The following PATJ variants were observed in gnomAD, a reference collection of about 807,000 sequenced individuals.
PATJ encodes inaD-like protein.
In PATJ, 190 loss-of-function variants were observed where a neutral mutation model predicts 224.9. That is an observed-to-expected ratio of 0.84 (90% CI 0.75 to 0.95). The LOEUF is 0.95. Among genes scored for constraint, PATJ ranks in the 40% least tolerant of loss-of-function variants. The probability of loss-of-function intolerance (pLI) is 0.00; values close to 1 mark genes in which losing one functional copy is unlikely to be tolerated. For synonymous variants in PATJ, 769 were observed against 820.3 expected (o/e 0.94, Z 1.07); for missense variants, 2,121 against 2,270.3 (o/e 0.93, Z 1.34).
intron 41 of PATJ, among the ~76,000 whole-genome samples, chr1:62,129,977 T>A (rs970429501): frequency 3.3e-5 from 5 of 152,040 alleles, no homozygotes; most frequent in Non-Finnish European, 7.4e-5. Context: ...GTATAAAGAA[T>A]AAAGCCCACC....
chr1:62,096,459 T>G (rs1661409205), intron 33 of PATJ, among the ~76,000 whole-genome samples: 1 of 152,192 alleles, frequency 6.6e-6, no homozygotes, highest in Non-Finnish European at 1.5e-5. Flanking sequence ...ATTCACATGG[T>G]CCTTTGAGCT....
At chr1:61,817,933 G>A (rs1158233611) in intron 14 of PATJ, among the ~76,000 whole-genome samples, 2 of 151,960 alleles carry the variant, frequency 1.3e-5, no homozygotes, top group Admixed American at 6.6e-5. Context: ...CCAATCATGG[G>A]TTCTTTCTGT....
At chr1:61,777,724 T>TTTTTTGTTTTTTTTTTTTTTTTTC (rs765662896) in intron 7 of PATJ, among the ~76,000 whole-genome samples, 1 of 106,016 alleles carries the variant, frequency 9.4e-6, no homozygotes, top group East Asian at 3.5e-4. Flanking sequence ...TTTTTTTTTT[T>TTTTTTGTTTTTTTTTTTTTTTTTC]TTTAGCATAG....
chr1:62,014,562 CTTTTTTTTTTTTTT>C (rs35711547), intron 28 of PATJ, among the ~76,000 whole-genome samples: 1 of 84,518 alleles, frequency 1.2e-5, no homozygotes, highest in South Asian at 4.5e-4. Flanking sequence ...CTTTTCTTTC[CTTTTTTTTTTTTTT>C]TTTTTTTTGA....
Position 61,856,056 on chromosome 1 carries a change from G to T in PATJ, c.2139G>T (p.Val713=). Reference sequence around the variant, plus strand: ...ACCCTTTAGATCCTACAAGATCAGTGATTGTGATCCGCTCCCTGGTAGCAG... The same window carrying T: ...ACCCTTTAGATCCTACAAGATCAGTTATTGTGATCCGCTCCCTGGTAGCAG... ...YQDPLDPTRS[V]IVIRSLVADG... Residue 713 remains valine (V), a synonymous_variant, in exon 18 of 44, where the codon GTG becomes GTT. Coordinates refer to ENST00000642238, the MANE Select transcript of PATJ (RefSeq NM_001350145.3). 6.2e-7 allele frequency: 1 copy of T among 1,614,096 alleles called. No individual in the cohort carries two copies. Among genetic ancestry groups the T allele is most frequent in the Non-Finnish European group, 8.5e-7 (1 of 1,179,982 alleles).
chr1:61,790,222 AAAG>A (rs1553161185), intron 8 of PATJ, among the ~76,000 whole-genome samples: 9 of 150,902 alleles, frequency 6.0e-5, no homozygotes, highest in East Asian at 3.9e-4. Flanking sequence ...AAAAAAAAAA[AAAG>A]AAGAAGAAGA....
intron 41 of PATJ, among the ~76,000 whole-genome samples, chr1:62,147,537 G>A (rs552916191): frequency 5.9e-5 from 9 of 152,220 alleles, no homozygotes; most frequent in East Asian, 1.9e-4. Flanking sequence ...GGTGGCTCAC[G>A]CCTGTAATCC....
intron 36 of PATJ, 77 bp downstream of exon 36, chr1:62,116,756 T>A: frequency 2.9e-6 from 4 of 1,392,622 alleles, no homozygotes; most frequent in Non-Finnish European, 2.9e-6. Context: ...AGCTTGATTA[T>A]AAAATGGGTT....
chr1:61,900,737 C>G (rs935215123), intron 23 of PATJ, among the ~76,000 whole-genome samples: 3 of 152,106 alleles, frequency 2.0e-5, no homozygotes, highest in Admixed American at 6.6e-5. Flanking sequence ...CTACAGGCGC[C>G]CGCCACTACG....
chr1:62,017,156 A>C (rs1646813955), intron 28 of PATJ, among the ~76,000 whole-genome samples: 1 of 152,110 alleles, frequency 6.6e-6, no homozygotes, highest in South Asian at 2.1e-4. Flanking sequence ...CCCACTTAAC[A>C]ATCATTAGAC....
chr1:61,982,570 AT>A (rs1644508019), intron 27 of PATJ, among the ~76,000 whole-genome samples: 1 of 152,174 alleles, frequency 6.6e-6, no homozygotes, highest in Admixed American at 6.5e-5. Flanking sequence ...ATAAGGAGGT[AT>A]TGTGACCATG....
At chr1:61,878,096 A>T (rs977491674) in intron 21 of PATJ, among the ~76,000 whole-genome samples, 1 of 152,234 alleles carries the variant, frequency 6.6e-6, no homozygotes, top group African/African-American at 2.4e-5. Context: ...GCACCAACCT[A>T]TGCAACTTAG....
chr1:62,050,504 G>A lies in PATJ; in HGVS notation c.4033-462G>A, dbSNP rs145116210. Reference sequence around the variant, plus strand: ...GTTCCCTCATTGTCATGGGACGGTCGTCCATGGAAACTTGGGCTCATGCTC... The same window carrying A: ...GTTCCCTCATTGTCATGGGACGGTCATCCATGGAAACTTGGGCTCATGCTC... On this transcript the variant is annotated intron_variant, in intron 30 of 43. Coordinates refer to ENST00000642238, the MANE Select transcript of PATJ (RefSeq NM_001350145.3). Among the ~76,000 whole-genome samples the A allele has an allele frequency of 2.5e-4, 38 of 152,322 alleles. No homozygotes were observed. The East Asian group carries it at 6.7e-3, about 27-fold the overall frequency.
intron 1 of PATJ, among the ~76,000 whole-genome samples, chr1:61,748,905 GT>G (rs1645173529): frequency 6.6e-6 from 1 of 152,110 alleles, no homozygotes; most frequent in Non-Finnish European, 1.5e-5. Context: ...GTTATCATTT[GT>G]TGAATGTGTA....
At chr1:61,770,843 G>C (rs1001012445) in intron 5 of PATJ, among the ~76,000 whole-genome samples, 1 of 151,374 alleles carries the variant, frequency 6.6e-6, no homozygotes. Flanking sequence ...CTGGGAGGCT[G>C]AGGCTGCAGT....
chr1:61,873,939 C>T lies in PATJ; in HGVS notation c.2836-1304C>T, dbSNP rs117485151. 8.9e-4 allele frequency among the ~76,000 whole-genome samples: 135 copies of T among 152,242 alleles called. 2 individuals are homozygous for T. In the East Asian group the frequency reaches 0.022, roughly 25 times the overall value. ...AATTTGGGATGTGAAAATCTGCTTG[C>T]GGGACCCCCTCTCTTTGCTGAGAGC... On this transcript the variant is annotated intron_variant, in intron 20 of 43. Coordinates refer to ENST00000642238, the MANE Select transcript of PATJ (RefSeq NM_001350145.3).
At chr1:61,912,869 G>A (rs1355379819) in intron 25 of PATJ, among the ~76,000 whole-genome samples, 1 of 152,154 alleles carries the variant, frequency 6.6e-6, no homozygotes, top group African/African-American at 2.4e-5. Context: ...GAGGCAAAGT[G>A]TTTTGTTTAA....
At position 62,104,509 on chromosome 1, in the gene PATJ, A is replaced by G. The variant is rs200624833; in HGVS notation, c.4378-3928A>G. Among the ~76,000 whole-genome samples the G allele has an allele frequency of 3.3e-5, 5 of 152,170 alleles. No homozygotes were observed. In the East Asian group the frequency reaches 5.8e-4, roughly 18 times the overall value. On this transcript the variant is annotated intron_variant, in intron 33 of 43. Coordinates refer to ENST00000642238, the MANE Select transcript of PATJ (RefSeq NM_001350145.3). ...TGTAATTATCCAGAACCACAGCTTCATAGACTACAGGGGCACACAATAAGA... is the reference window on the plus strand; with the variant it reads ...TGTAATTATCCAGAACCACAGCTTCGTAGACTACAGGGGCACACAATAAGA...
chr1:61,846,444 C>CT (rs1012067321), intron 17 of PATJ, among the ~76,000 whole-genome samples: 6 of 152,128 alleles, frequency 3.9e-5, no homozygotes, highest in African/African-American at 1.2e-4. Flanking sequence ...ACTAATACAA[C>CT]TTTTTTCTGG....
Sources: gnomAD v4.1 joint callset for allele counts (sites outside exome capture counted in the v4.1 genomes callset) on GRCh38, gnomAD v4.1.1 for gene constraint, MANE v1.5 for transcripts, NCBI Gene and HGNC (gene_info 2026-07-23, HGNC 2026-07-21) for gene names.